The following FGF14 variants were observed in gnomAD, a reference collection of about 807,000 sequenced individuals.
FGF14 encodes fibroblast growth factor homologous factor 4.
FGF14 carries 5 observed loss-of-function variants against 25.5 expected under a neutral mutation model. That is an observed-to-expected ratio of 0.20 (90% CI 0.10 to 0.41). The LOEUF is 0.41. Ranked by LOEUF, FGF14 falls within the 10% of genes least tolerant of loss-of-function variation. The probability of loss-of-function intolerance (pLI) is 1.00; values close to 1 mark genes in which losing one functional copy is unlikely to be tolerated. For synonymous variants in FGF14, 138 were observed against 118.3 expected (o/e 1.17, Z -1.08); for missense variants, 222 against 320.1 (o/e 0.69, Z 2.34).
chr13:102,163,061 G>A (rs781354786), intron 1 of FGF14, among the ~76,000 whole-genome samples: 5 of 152,210 alleles, frequency 3.3e-5, no homozygotes, highest in African/African-American at 4.8e-5. Flanking sequence ...GGATTCATAC[G>A]TTTCCTCAAA....
At chr13:101,781,038 G>A (rs1387513059) in intron 3 of FGF14, among the ~76,000 whole-genome samples, 5 of 151,894 alleles carry the variant, frequency 3.3e-5, no homozygotes, top group African/African-American at 1.2e-4. Context: ...TGCTACTCAT[G>A]GCCACCTCAC....
At chr13:102,334,022 CATATAGAGGCCA>C (rs2093726322) in intron 1 of FGF14, among the ~76,000 whole-genome samples, 1 of 152,088 alleles carries the variant, frequency 6.6e-6, no homozygotes, top group African/African-American at 2.4e-5. Flanking sequence ...CATGGGAGCC[CATATAGAGGCCA>C]TCTGTTCAGG....
intron 3 of FGF14, among the ~76,000 whole-genome samples, chr13:101,788,895 TATATATATATATATAGAGAG>T (rs1373879271): frequency 1.1e-3 from 56 of 49,012 alleles, no homozygotes; most frequent in African/African-American, 3.0e-3. Context: ...TATATATATA[TATATATATATATATAGAGAG>T]AGAGAGAGAG....
At chr13:101,882,812 C>G (rs576947505) in intron 1 of FGF14, among the ~76,000 whole-genome samples, 6 of 152,272 alleles carry the variant, frequency 3.9e-5, no homozygotes, top group African/African-American at 1.4e-4. Flanking sequence ...GTGATAAACA[C>G]TTTAAAGCTA....
chr13:102,380,365 C>T (rs923800675), intron 1 of FGF14, among the ~76,000 whole-genome samples: 1 of 152,090 alleles, frequency 6.6e-6, no homozygotes, highest in African/African-American at 2.4e-5. Context: ...CCAATTATAT[C>T]TAGCAACTTA....
intron 1 of FGF14, among the ~76,000 whole-genome samples, chr13:102,216,705 T>A (rs2050387999): frequency 6.6e-6 from 1 of 151,908 alleles, no homozygotes; most frequent in African/African-American, 2.4e-5. Context: ...ATACAACATA[T>A]CATTGTTAAC....
chr13:101,804,408 G>A (rs569638765), intron 3 of FGF14, among the ~76,000 whole-genome samples: 28 of 152,260 alleles, frequency 1.8e-4, no homozygotes, highest in African/African-American at 6.3e-4. Context: ...AGTACTGCTG[G>A]TATTTAGCAT....
chr13:101,725,391 T>C (rs1025432059), intron 4 of FGF14, among the ~76,000 whole-genome samples: 1 of 152,062 alleles, frequency 6.6e-6, no homozygotes, highest in Non-Finnish European at 1.5e-5. Context: ...GAATAATCTG[T>C]CTTTTCCTGT....
intron 1 of FGF14, among the ~76,000 whole-genome samples, chr13:102,281,314 G>A (rs1349151665): frequency 6.6e-6 from 1 of 152,146 alleles, no homozygotes; most frequent in African/African-American, 2.4e-5. Context: ...TGCTTTTCTG[G>A]ATTTAGAAAT....
In FGF14 at chr13:101,823,765, A is replaced by G. The variant is rs112835997; in HGVS notation, c.408+44960T>C. On this transcript the variant is annotated intron_variant, in intron 3 of 4. Transcript: ENST00000376143. ...CATTATATATTTATAAAGATATCTT[A>G]TACAAGATATACTATGTATAGTATC... Among the ~76,000 whole-genome samples, 47 of 150,362 alleles carry G rather than the reference A, an allele frequency of 3.1e-4. 1 individual carries two copies. The highest frequency in any genetic ancestry group is 1.1e-3 in the African/African-American group (47 of 41,204).
chr13:101,730,206 T>C (rs1357711290), intron 3 of FGF14, among the ~76,000 whole-genome samples: 1 of 152,198 alleles, frequency 6.6e-6, no homozygotes, highest in Non-Finnish European at 1.5e-5. Context: ...CTGTTGTCAG[T>C]GTGGAGGATG....
chr13:102,232,092 G>C (rs1221229818), intron 1 of FGF14, among the ~76,000 whole-genome samples: 1 of 152,088 alleles, frequency 6.6e-6, no homozygotes, highest in Non-Finnish European at 1.5e-5. Flanking sequence ...GAAAGAGGCA[G>C]ACTACTATAA....
chr13:102,125,326 T>C (rs971268689), intron 1 of FGF14, among the ~76,000 whole-genome samples: 1 of 152,158 alleles, frequency 6.6e-6, no homozygotes, highest in Non-Finnish European at 1.5e-5. Flanking sequence ...AAAATACATA[T>C]TCATAGAAAA....
At chr13:102,381,560 T>C (rs1311795077) in intron 1 of FGF14, among the ~76,000 whole-genome samples, 1 of 152,150 alleles carries the variant, frequency 6.6e-6, no homozygotes, top group Non-Finnish European at 1.5e-5. Context: ...TCCAGAAACA[T>C]GAGAAATTAA....
chr13:102,268,923 G>T (rs920824028), intron 1 of FGF14, among the ~76,000 whole-genome samples: 2 of 152,302 alleles, frequency 1.3e-5, no homozygotes, highest in East Asian at 3.9e-4. Flanking sequence ...ATAGGTTACT[G>T]AGAAGATAGA....
chr13:102,069,533 C>T (rs185695291), intron 1 of FGF14, among the ~76,000 whole-genome samples: 217 of 152,268 alleles, frequency 1.4e-3, no homozygotes, highest in African/African-American at 5.1e-3. Context: ...TGAGCTGTAA[C>T]GCTCACCAGG....
chr13:102,306,592 CA>C (rs2055393680), intron 1 of FGF14, among the ~76,000 whole-genome samples: 1 of 152,094 alleles, frequency 6.6e-6, no homozygotes, highest in Non-Finnish European at 1.5e-5. Flanking sequence ...CCCTATGCCA[CA>C]AAGCTGGAGC....
chr13:102,111,137 C>T (rs1329222627), intron 1 of FGF14, among the ~76,000 whole-genome samples: 1 of 152,112 alleles, frequency 6.6e-6, no homozygotes, highest in Non-Finnish European at 1.5e-5. Context: ...CAGCCTCCTC[C>T]ACCTGCAGGC....
chr13:102,107,028 A>C (rs914845668), intron 1 of FGF14, among the ~76,000 whole-genome samples: 2 of 152,224 alleles, frequency 1.3e-5, no homozygotes, highest in Non-Finnish European at 1.5e-5. Flanking sequence ...AATGTGAACA[A>C]CACACATTAA....
Sources: gnomAD v4.1 joint callset for allele counts (sites outside exome capture counted in the v4.1 genomes callset) on GRCh38, gnomAD v4.1.1 for gene constraint, MANE v1.5 for transcripts, NCBI Gene and HGNC (gene_info 2026-07-23, HGNC 2026-07-21) for gene names.